Variants in MAST4 observed in about 807,000 individuals in gnomAD.
The protein encoded by MAST4 is microtubule-associated serine/threonine-protein kinase 4.
A neutral mutation model predicts 162.7 loss-of-function variants in MAST4; 89 were observed. That is an observed-to-expected ratio of 0.55 (90% CI 0.46 to 0.65). The LOEUF is 0.65. MAST4 is among the 30% of genes least tolerant of loss of function. MAST4 has a pLI of 0.00. For synonymous variants in MAST4, 1,479 were observed against 1,361.1 expected, an observed-to-expected ratio of 1.09 and a Z score of -1.91; for missense variants, 3,153 against 3,374.0, an observed-to-expected ratio of 0.93 and a Z score of 1.62.
At chr5:67,051,753 C>T (rs1355034380) in intron 4 of MAST4, among the ~76,000 whole-genome samples, 1 of 152,120 alleles carries the variant, frequency 6.6e-6, no homozygotes, top group Non-Finnish European at 1.5e-5. Flanking sequence ...TCCCTCTACC[C>T]TTGAAAATTT....
At chr5:66,734,059 G>T (rs1369779764) in intron 1 of MAST4, among the ~76,000 whole-genome samples, 1 of 152,068 alleles carries the variant, frequency 6.6e-6, no homozygotes, top group Non-Finnish European at 1.5e-5. Context: ...CTGTTACCTT[G>T]CTTTTTACCA....
chr5:66,619,283 C>A (rs1390632429), intron 1 of MAST4, among the ~76,000 whole-genome samples: 1 of 152,128 alleles, frequency 6.6e-6, no homozygotes, highest in Non-Finnish European at 1.5e-5. Context: ...TATGCTGTGC[C>A]ACCCTCAGAG....
intron 1 of MAST4, among the ~76,000 whole-genome samples, chr5:66,710,893 C>T (rs1349295639): frequency 6.6e-6 from 1 of 152,166 alleles, no homozygotes; most frequent in African/African-American, 2.4e-5. Flanking sequence ...GAACAGTATG[C>T]ACATTATGTG....
chr5:67,049,598 A>T (rs1371340304), intron 4 of MAST4, among the ~76,000 whole-genome samples: 1 of 152,184 alleles, frequency 6.6e-6, no homozygotes, highest in Non-Finnish European at 1.5e-5. Flanking sequence ...TCAAATTTTC[A>T]TTAGGACGAT....
At chr5:66,750,960 G>A in intron 1 of MAST4, among the ~76,000 whole-genome samples, 1 of 152,208 alleles carries the variant, frequency 6.6e-6, no homozygotes. Context: ...AGAACAGGCA[G>A]ACTGCCTTCT....
At chr5:66,981,167 G>A (rs185931628) in intron 4 of MAST4, among the ~76,000 whole-genome samples, 1 of 137,228 alleles carries the variant, frequency 7.3e-6, no homozygotes, top group African/African-American at 2.8e-5. Flanking sequence ...ACTTTGAGTG[G>A]CACCACTTAT....
At chr5:66,629,125 C>T (rs1045868920) in intron 1 of MAST4, among the ~76,000 whole-genome samples, 15 of 152,116 alleles carry the variant, frequency 9.9e-5, no homozygotes, top group Non-Finnish European at 2.1e-4. Context: ...TGAGGTCTTT[C>T]GGAAATTGAG....
intron 3 of MAST4, among the ~76,000 whole-genome samples, chr5:66,895,710 A>T (rs1762642245): frequency 6.6e-6 from 1 of 152,102 alleles, no homozygotes. Context: ...TAGCTTCCTA[A>T]AAAATTGATA....
intron 1 of MAST4, among the ~76,000 whole-genome samples, chr5:66,711,766 C>T (rs1465704398): frequency 2.0e-5 from 3 of 152,070 alleles, no homozygotes; most frequent in South Asian, 4.1e-4. Flanking sequence ...ACCCAGGAGG[C>T]GGAGGTTGCA....
chr5:66,648,817 T>C (rs1351363642), intron 1 of MAST4, among the ~76,000 whole-genome samples: 1 of 152,162 alleles, frequency 6.6e-6, no homozygotes, highest in Non-Finnish European at 1.5e-5. Flanking sequence ...ATTTGTAGGG[T>C]AGTCATACTT....
intron 3 of MAST4, among the ~76,000 whole-genome samples, chr5:66,794,278 C>T (rs1171274989): frequency 1.3e-5 from 2 of 152,070 alleles, no homozygotes; most frequent in Admixed American, 1.3e-4. Flanking sequence ...AGCTCAACTC[C>T]AGCTTCTGCC....
At chr5:66,794,919 AAAG>A (rs1755578728) in intron 3 of MAST4, among the ~76,000 whole-genome samples, 1 of 152,334 alleles carries the variant, frequency 6.6e-6, no homozygotes, top group African/African-American at 2.4e-5. Flanking sequence ...CATTTGCAAA[AAAG>A]AAATGCATTA....
At chr5:66,846,486 A>G (rs1758865636) in intron 3 of MAST4, among the ~76,000 whole-genome samples, 1 of 152,192 alleles carries the variant, frequency 6.6e-6, no homozygotes, top group Admixed American at 6.5e-5. Context: ...GATAATGTCC[A>G]TTATACTAAG....
In MAST4 at chr5:67,167,146, C is replaced by A; in HGVS notation, c.*95C>A. The A allele has an allele frequency of 8.8e-7, 1 of 1,131,120 alleles. No individual in the cohort carries two copies. The highest frequency in any genetic ancestry group is 1.6e-5 in the African/African-American group (1 of 63,982). 70.1% of individuals were successfully genotyped at this position (1,131,120 alleles called of 1,614,324 possible). ...AAAACCAGCACTGTGTGGGAATGTC[C>A]GCCAGGCAGAGCTCGGAGCCTCATT... On this transcript the variant is annotated 3_prime_UTR_variant, in exon 29 of 29. Transcript: ENST00000403625.
chr5:66,800,370 G>A (rs965465003), intron 3 of MAST4, among the ~76,000 whole-genome samples: 1 of 152,194 alleles, frequency 6.6e-6, no homozygotes, highest in African/African-American at 2.4e-5. Context: ...CCATAGCAAT[G>A]AACAAGATCA....
At chr5:66,742,671 A>C (rs1043201619) in intron 1 of MAST4, among the ~76,000 whole-genome samples, 1 of 152,144 alleles carries the variant, frequency 6.6e-6, no homozygotes, top group East Asian at 1.9e-4. Context: ...CTGTACCCAA[A>C]GGCGAAATCT....
chr5:67,078,886 T>A (rs11741010), intron 5 of MAST4, among the ~76,000 whole-genome samples: 12 of 76,404 alleles, frequency 1.6e-4, no homozygotes, highest in African/African-American at 5.2e-4. Flanking sequence ...ATAAATATAT[T>A]TATATATTTA....
At chr5:66,739,940 A>G (rs1403349006) in intron 1 of MAST4, among the ~76,000 whole-genome samples, 1 of 151,472 alleles carries the variant, frequency 6.6e-6, no homozygotes, top group Non-Finnish European at 1.5e-5. Context: ...TTTGTTGTGA[A>G]TGATTTTTAG....
chr5:67,078,930 A>ATAATATATATATATATATATAT (rs1762235601), intron 5 of MAST4, among the ~76,000 whole-genome samples: 1 of 63,134 alleles, frequency 1.6e-5, no homozygotes, highest in African/African-American at 8.3e-5. Flanking sequence ...ATATATATAT[A>ATAATATATATATATATATATAT]TATATATATA....
Sources: allele counts gnomAD v4.1 joint callset (sites outside exome capture counted in the v4.1 genomes callset), GRCh38; gene constraint gnomAD v4.1.1; transcripts MANE v1.5; gene names NCBI Gene and HGNC (gene_info 2026-07-23, HGNC 2026-07-21).